Variants in CP observed in about 807,000 individuals in gnomAD.
The protein encoded by CP is ceruloplasmin, also known as caeruloplasmin.
Under a neutral mutation model 122.4 loss-of-function variants are expected in CP, and 64 were observed. The ratio of observed to expected loss-of-function variants is 0.52; its 90% CI spans 0.43 to 0.64. The LOEUF (loss-of-function observed/expected upper bound fraction) is 0.64. Ranked by LOEUF, CP falls within the 30% of genes least tolerant of loss-of-function variation. The pLI, the probability that CP is intolerant of heterozygous loss-of-function variation, is 0.00. For synonymous variants in CP, 440 were observed against 436.4 expected (o/e 1.01, Z -0.10); for missense variants, 1,167 against 1,284.4 (o/e 0.91, Z 1.40).
chr3:149,184,748 G>A (rs1215005024), intron 12 of CP, among the ~76,000 whole-genome samples: 1 of 152,128 alleles, frequency 6.6e-6, no homozygotes, highest in African/African-American at 2.4e-5. Context: ...ATATTTTCCT[G>A]TAAGTTCTTA....
chr3:149,171,289 T>C (rs946156523), downstream of CP, among the ~76,000 whole-genome samples: 21 of 148,910 alleles, frequency 1.4e-4, no homozygotes, highest in South Asian at 4.1e-3. Context: ...AAAAAAAAAA[T>C]ATATTGTTCA....
chr3:149,202,479 G>A (rs1350897758), intron 6 of CP, among the ~76,000 whole-genome samples: 1 of 151,878 alleles, frequency 6.6e-6, no homozygotes, highest in Non-Finnish European at 1.5e-5. Context: ...TTCAAGTGAA[G>A]AGAAAATTTT....
At chr3:149,217,828 TG>T in intron 1 of CP, 2 of 405,128 alleles carry the variant, frequency 4.9e-6, no homozygotes, top group Non-Finnish European at 9.9e-6. Context: ...TATTATATCC[TG>T]ATCACTCAAG....
chr3:149,218,483 G>A (rs765032720), intron 1 of CP, among the ~76,000 whole-genome samples: 3 of 152,106 alleles, frequency 2.0e-5, no homozygotes, highest in Non-Finnish European at 4.4e-5. Context: ...TACCAGAGAA[G>A]TAAACTTTAT....
chr3:149,197,139 A>G (rs980565237), intron 9 of CP, among the ~76,000 whole-genome samples: 1 of 151,736 alleles, frequency 6.6e-6, no homozygotes, highest in Non-Finnish European at 1.5e-5. Flanking sequence ...AAACGGCCCC[A>G]CACTTATCTC....
At chr3:149,188,490 C>CAAAAAAAA (rs60815739) in intron 9 of CP, among the ~76,000 whole-genome samples, 24 of 46,098 alleles carry the variant, frequency 5.2e-4, no homozygotes, top group East Asian at 2.8e-3. Flanking sequence ...TTGAAGCCTC[C>CAAAAAAAA]AAAAAAAAAA....
chr3:149,185,137 T>G, intron 12 of CP, 102 bp downstream of exon 12: 1 of 1,044,032 alleles, frequency 9.6e-7, no homozygotes, highest in Non-Finnish European at 1.5e-6. Context: ...TATTGTTTAA[T>G]GCAACTTTTT....
intron 13 of CP, 27 bp from the exon 14 acceptor site, chr3:149,182,160 C>G: frequency 1.2e-6 from 2 of 1,613,472 alleles, no homozygotes; most frequent in Non-Finnish European, 1.7e-6. Flanking sequence ...GGAAGAGTGT[C>G]CAATCAGAAG....
chr3:149,166,607 G>A (rs187636898), intron 4 of CP, among the ~76,000 whole-genome samples: 7 of 152,170 alleles, frequency 4.6e-5, no homozygotes, highest in African/African-American at 1.7e-4. Context: ...ATCTGAGTGT[G>A]CCATATGTAT....
chr3:149,207,955 CAT>C (rs1223071986), intron 4 of CP, among the ~76,000 whole-genome samples: 3 of 151,926 alleles, frequency 2.0e-5, no homozygotes, highest in Admixed American at 6.6e-5. Context: ...ACAAAACACA[CAT>C]AGAATTAATA....
intron 15 of CP, among the ~76,000 whole-genome samples, 180 bp from the exon 16 acceptor site, chr3:149,178,811 G>T (rs1166299448): frequency 6.6e-6 from 1 of 152,152 alleles, no homozygotes; most frequent in Non-Finnish European, 1.5e-5. Flanking sequence ...TGGAACAATG[G>T]TGAGTAGTAG....
At chr3:149,189,188 AAAC>A (rs1336103078) in intron 9 of CP, among the ~76,000 whole-genome samples, 1 of 152,216 alleles carries the variant, frequency 6.6e-6, no homozygotes, top group Non-Finnish European at 1.5e-5. Context: ...AGCTTCCTGA[AAAC>A]AAGACAAAAT....
chr3:149,175,573 A>G (rs566595654), intron 18 of CP, among the ~76,000 whole-genome samples: 17 of 152,136 alleles, frequency 1.1e-4, no homozygotes, highest in African/African-American at 3.9e-4. Context: ...AATTACAACA[A>G]TCCTCAACTC....
At chr3:149,203,053 C>T (rs1342710510) in intron 6 of CP, among the ~76,000 whole-genome samples, 3 of 150,524 alleles carry the variant, frequency 2.0e-5, no homozygotes, top group African/African-American at 7.3e-5. Flanking sequence ...ACTACAGGCG[C>T]CCGCCACAAC....
chr3:149,177,832 G>A lies in CP; in HGVS notation c.3018+8C>T, dbSNP rs1349583118. ...AGAGCAAGAGTAATTGCCATGGATA[G>A]CTCTTACCTTGTATTGGAAGCTATG... On this transcript the variant is annotated splice_region_variant and intron_variant, in intron 17 of 18. Transcript: ENST00000264613. The A allele has an allele frequency of 3.1e-6, 5 of 1,613,150 alleles. No individual in the cohort carries two copies. The Admixed American group carries it at 5.0e-5, about 16-fold the overall frequency.
chr3:149,172,267 T>C (rs754740504), downstream of CP: 1 of 1,580,146 alleles, frequency 6.3e-7, no homozygotes, highest in Non-Finnish European at 8.7e-7. Flanking sequence ...AGACTGAATT[T>C]CTAAAAATTG....
chr3:149,188,106 G>T lies in CP; in HGVS notation c.1810C>A (p.Pro604Thr), dbSNP rs781564546. ...TCATCTTCCTTATCCACCTGATCAG[G>T]TGCAGTTGTAAACATTCTAATATTA... ...EDNIRMFTTA[P>T]DQVDKEDEDF... Residue 604 changes from proline to threonine, a missense_variant, in exon 10 of 19, where the codon CCT becomes ACT. By Grantham distance (38) the Pro-to-Thr change is conservative (BLOSUM62 -1). Around this residue, in one of 2 missense-constraint regions of CP, gnomAD observed 525 missense variants for 657.2 expected, o/e 0.80. Coordinates refer to ENST00000264613, the MANE Select transcript of CP (RefSeq NM_000096.4). 6.2e-7 allele frequency: 1 copy of T among 1,612,512 alleles called. No homozygotes were observed. The highest frequency in any genetic ancestry group is 8.5e-7 in the Non-Finnish European group (1 of 1,179,870).
At position 149,209,391 on chromosome 3, in the gene CP, T is replaced by C; in HGVS notation, c.608-7A>G. On this transcript the variant is annotated splice_region_variant and splice_polypyrimidine_tract_variant and intron_variant, in intron 3 of 18. Coordinates refer to ENST00000264613, the MANE Select transcript of CP (RefSeq NM_000096.4). ...TTTTCTTTATCTAGAGAATCTGGAG[T>C]TAAAGTTACTATTTTAGCAAGACTA... The C allele has an allele frequency of 6.2e-7, 1 of 1,611,976 alleles. No individual in the cohort carries two copies. Among genetic ancestry groups the C allele is most frequent in the Non-Finnish European group, 8.5e-7 (1 of 1,178,454 alleles).
At chr3:149,199,943 G>A in intron 7 of CP, 79 bp from the exon 8 acceptor site, 2 of 1,454,556 alleles carry the variant, frequency 1.4e-6, no homozygotes, top group Non-Finnish European at 1.9e-6. Flanking sequence ...TTCTTTGACT[G>A]TGTTCTCTGG....
Sources: allele counts gnomAD v4.1 joint callset (sites outside exome capture counted in the v4.1 genomes callset), GRCh38; gene constraint gnomAD v4.1.1; regional missense constraint gnomAD v4.1.1; transcripts MANE v1.5; gene names NCBI Gene and HGNC (gene_info 2026-07-23, HGNC 2026-07-21).